Variants in VWA3B observed in about 807,000 individuals in gnomAD.
VWA3B encodes von Willebrand factor A domain containing 3B.
Under a neutral mutation model 158.3 loss-of-function variants are expected in VWA3B, and 138 were observed. The ratio of observed to expected loss-of-function variants is 0.87; its 90% confidence interval spans 0.76 to 1.00. The LOEUF is 1.00. VWA3B is among the 50% of genes least tolerant of loss of function. The pLI is 0.00. For missense variants in VWA3B, 1,555 were observed against 1,565.1 expected (o/e 0.99, Z 0.11); for synonymous variants, 596 against 587.3 (o/e 1.01, Z -0.21).
intron 8 of VWA3B, among the ~76,000 whole-genome samples, chr2:98,169,873 C>CT (rs1679432925): frequency 6.6e-6 from 1 of 151,950 alleles, no homozygotes; most frequent in African/African-American, 2.4e-5. Context: ...AATCCCAGCA[C>CT]TTTAGGAGGC....
intron 14 of VWA3B, among the ~76,000 whole-genome samples, chr2:98,226,931 C>T (rs546408612): frequency 2.0e-5 from 3 of 152,246 alleles, no homozygotes; most frequent in Non-Finnish European, 4.4e-5. Context: ...AAACCCATAG[C>T]CAATATCATA....
At chr2:98,326,319 T>A in the VWA3B span, among the ~76,000 whole-genome samples, 2 of 152,176 alleles carry the variant, frequency 1.3e-5, no homozygotes, top group Non-Finnish European at 2.9e-5. Context: ...CCTTGAAGAA[T>A]ATAACCAACC....
chr2:98,317,640 A>G (rs1385071307), downstream of VWA3B, among the ~76,000 whole-genome samples: 1 of 152,178 alleles, frequency 6.6e-6, no homozygotes, highest in Non-Finnish European at 1.5e-5. Flanking sequence ...AAAATTTCAA[A>G]TCTACCTATA....
chr2:98,295,881 C>G (rs890107481), intron 23 of VWA3B, among the ~76,000 whole-genome samples: 3 of 152,230 alleles, frequency 2.0e-5, no homozygotes, highest in African/African-American at 7.2e-5. Flanking sequence ...CTGGGCCCTA[C>G]AGCTGCCCAG....
intron 8 of VWA3B, among the ~76,000 whole-genome samples, chr2:98,166,603 C>T (rs1307379778): frequency 6.6e-6 from 1 of 152,120 alleles, no homozygotes; most frequent in Non-Finnish European, 1.5e-5. Context: ...AAATAAATGT[C>T]TGTCCTTTAA....
At chr2:98,182,203 T>C (rs1440223725) in intron 9 of VWA3B, among the ~76,000 whole-genome samples, 1 of 152,138 alleles carries the variant, frequency 6.6e-6, no homozygotes, top group African/African-American at 2.4e-5. Flanking sequence ...AAATGCAGTG[T>C]CACCTCATGT....
chr2:98,090,759 G>A (rs1484079746), intron 1 of VWA3B, among the ~76,000 whole-genome samples: 1 of 148,038 alleles, frequency 6.8e-6, no homozygotes, highest in African/African-American at 2.5e-5. Flanking sequence ...TTTTTTTTGA[G>A]ACTGAGTCTC....
At chr2:98,143,187 C>T (rs1676915030) in intron 7 of VWA3B, among the ~76,000 whole-genome samples, 1 of 152,034 alleles carries the variant, frequency 6.6e-6, no homozygotes, top group South Asian at 2.1e-4. Context: ...TTACATGCGC[C>T]TGCCATCACG....
chr2:98,126,970 GC>G (rs911547253), intron 5 of VWA3B, among the ~76,000 whole-genome samples: 2 of 125,722 alleles, frequency 1.6e-5, no homozygotes, highest in East Asian at 2.2e-4. Context: ...GAGGACTCCC[GC>G]CCCCCACCCT....
At chr2:98,287,305 T>A (rs929973031) in intron 22 of VWA3B, among the ~76,000 whole-genome samples, 3 of 152,194 alleles carry the variant, frequency 2.0e-5, no homozygotes, top group Non-Finnish European at 4.4e-5. Context: ...CTTTGAGTTC[T>A]TATCTTCTTT....
intron 19 of VWA3B, among the ~76,000 whole-genome samples, chr2:98,247,583 T>C (rs1238156213): frequency 1.3e-5 from 2 of 152,176 alleles, no homozygotes; most frequent in Admixed American, 1.3e-4. Context: ...GATATAAAAG[T>C]CTCTGTTAAC....
chr2:98,212,569 C>G (rs2105555579), intron 13 of VWA3B, among the ~76,000 whole-genome samples: 1 of 152,270 alleles, frequency 6.6e-6, no homozygotes, highest in East Asian at 1.9e-4. Flanking sequence ...GAGGAGTACT[C>G]CAGGCATTAA....
intron 26 of VWA3B, among the ~76,000 whole-genome samples, chr2:98,309,416 G>A (rs1690743578): frequency 6.6e-6 from 1 of 152,142 alleles, no homozygotes; most frequent in Non-Finnish European, 1.5e-5. Flanking sequence ...CTATGTATGA[G>A]TCGGCAGGAG....
chr2:98,190,305 T>G (rs1437922018), intron 10 of VWA3B, among the ~76,000 whole-genome samples: 38 of 152,214 alleles, frequency 2.5e-4, no homozygotes, highest in Non-Finnish European at 2.1e-4. Context: ...ACAGGAATCT[T>G]ACAACTTTCA....
At chr2:98,198,706 C>G (rs1391235378) in intron 12 of VWA3B, among the ~76,000 whole-genome samples, 1 of 152,156 alleles carries the variant, frequency 6.6e-6, no homozygotes, top group Non-Finnish European at 1.5e-5. Context: ...CTGGTAAACA[C>G]TGCTCTGTTT....
chr2:98,211,087 G>T (rs540978810), intron 12 of VWA3B, among the ~76,000 whole-genome samples: 2 of 152,336 alleles, frequency 1.3e-5, no homozygotes, highest in Admixed American at 1.3e-4. Context: ...AGGATTGGGG[G>T]TCTCGTTCCT....
At chr2:98,248,827 CTT>C (rs1253874540) in intron 19 of VWA3B, among the ~76,000 whole-genome samples, 3 of 11,086 alleles carry the variant, frequency 2.7e-4, no homozygotes, top group African/African-American at 1.8e-3. Flanking sequence ...CTTTCTTTTT[CTT>C]TCTTTCTTTC....
intron 8 of VWA3B, among the ~76,000 whole-genome samples, chr2:98,163,403 T>C (rs1392137469): frequency 6.6e-6 from 1 of 152,058 alleles, no homozygotes; most frequent in Non-Finnish European, 1.5e-5. Flanking sequence ...CTGGGTGTGG[T>C]GGCCCGTGCC....
chr2:98,228,579 C>T (rs1056263119), intron 15 of VWA3B, among the ~76,000 whole-genome samples: 14 of 152,096 alleles, frequency 9.2e-5, no homozygotes, highest in African/African-American at 3.4e-4. Flanking sequence ...TGGACGGGCC[C>T]CCAGACCCAA....
Sources: allele counts gnomAD v4.1 joint callset (sites outside exome capture counted in the v4.1 genomes callset), GRCh38; gene constraint gnomAD v4.1.1; transcripts MANE v1.5; gene names NCBI Gene and HGNC (gene_info 2026-07-23, HGNC 2026-07-21).